SPATS2: variants seen among roughly 807,000 people sequenced by gnomAD.
SPATS2 encodes spermatogenesis-associated serine-rich protein 2.
Under a neutral mutation model 63.7 loss-of-function variants are expected in SPATS2, and 38 were observed. The observed-to-expected ratio is 0.60, with a 90% CI of 0.46 to 0.78. The LOEUF is 0.78. SPATS2 is among the 30% of genes least tolerant of loss of function. The probability of loss-of-function intolerance (pLI) is 0.00; values close to 1 mark genes in which losing one functional copy is unlikely to be tolerated. For missense variants in SPATS2, 588 were observed against 666.2 expected, an observed-to-expected ratio of 0.88 and a Z score of 1.29; for synonymous variants, 207 against 232.9, an observed-to-expected ratio of 0.89 and a Z score of 1.01.
intron 2 of SPATS2, among the ~76,000 whole-genome samples, chr12:49,433,359 C>T (rs1326780211): frequency 6.6e-6 from 1 of 152,184 alleles, no homozygotes. Flanking sequence ...GACAGGGTTT[C>T]ACCATGTTGG....
chr12:49,421,774 G>A (rs1365179139), intron 2 of SPATS2, among the ~76,000 whole-genome samples: 2 of 152,166 alleles, frequency 1.3e-5, no homozygotes, highest in East Asian at 3.8e-4. Context: ...TATTTTGATT[G>A]ACATTAGATA....
chr12:49,387,970 G>A (rs1403418196), intron 2 of SPATS2, among the ~76,000 whole-genome samples: 3 of 151,882 alleles, frequency 2.0e-5, no homozygotes, highest in Admixed American at 2.0e-4. Context: ...TTTGAGGCAG[G>A]GTCTTGCTAT....
chr12:49,408,902 T>A (rs1414440321), intron 2 of SPATS2, among the ~76,000 whole-genome samples: 1 of 152,162 alleles, frequency 6.6e-6, no homozygotes, highest in African/African-American at 2.4e-5. Flanking sequence ...TACATGTTAT[T>A]TTCTGTAATA....
At chr12:49,368,865 G>T (rs889534471) in intron 1 of SPATS2, among the ~76,000 whole-genome samples, 3 of 152,024 alleles carry the variant, frequency 2.0e-5, no homozygotes, top group Non-Finnish European at 4.4e-5. Flanking sequence ...AAGATTTATG[G>T]ACATTAATCA....
chr12:49,502,813 A>G (rs149461513), intron 9 of SPATS2, among the ~76,000 whole-genome samples: 4 of 152,214 alleles, frequency 2.6e-5, no homozygotes, highest in Non-Finnish European at 5.9e-5. Context: ...CATTGTCTCA[A>G]AACTTAACAT....
chr12:49,443,462 A>G (rs886220765), intron 2 of SPATS2, among the ~76,000 whole-genome samples: 3 of 151,870 alleles, frequency 2.0e-5, no homozygotes, highest in Non-Finnish European at 4.4e-5. Context: ...TGCTGATACC[A>G]TAAGGTGCAT....
intron 9 of SPATS2, among the ~76,000 whole-genome samples, chr12:49,513,696 C>CG (rs1946790482): frequency 1.3e-5 from 2 of 152,108 alleles, no homozygotes; most frequent in African/African-American, 4.8e-5. Flanking sequence ...ACTTTGCATT[C>CG]TAAGTACTAA....
At chr12:49,496,393 G>A (rs1015778569) in intron 7 of SPATS2, among the ~76,000 whole-genome samples, 1 of 152,184 alleles carries the variant, frequency 6.6e-6, no homozygotes, top group Non-Finnish European at 1.5e-5. Context: ...GATTACTGGC[G>A]TGAGCCACTA....
At chr12:49,485,323 G>A (rs1227548864) in intron 4 of SPATS2, among the ~76,000 whole-genome samples, 1 of 151,492 alleles carries the variant, frequency 6.6e-6, no homozygotes, top group Non-Finnish European at 1.5e-5. Context: ...CAAAGTGCTG[G>A]GATTACAAGC....
chr12:49,403,630 C>CAT (rs1484273251), intron 2 of SPATS2, among the ~76,000 whole-genome samples: 11 of 145,870 alleles, frequency 7.5e-5, no homozygotes, highest in Admixed American at 6.7e-4. Flanking sequence ...CACACACACA[C>CAT]ACACACACAC....
chr12:49,375,666 A>G (rs1944087309), intron 2 of SPATS2, among the ~76,000 whole-genome samples: 1 of 152,204 alleles, frequency 6.6e-6, no homozygotes, highest in Non-Finnish European at 1.5e-5. Context: ...AGCCCTTTGT[A>G]TAGCATGCCT....
Position 49,414,940 on chromosome 12 carries a change from C to CT in SPATS2, c.-244+43666dup, listed in dbSNP as rs1198243704. Among the ~76,000 whole-genome samples the CT allele has an allele frequency of 6.7e-3, 852 of 126,840 alleles. 7 individuals carry two copies. Among genetic ancestry groups the CT allele is most frequent in the East Asian group, 0.021 (90 of 4,370 alleles). 83.2% of individuals were successfully genotyped at this position (126,840 alleles called of 152,430 possible). The stretch of plus-strand genomic sequence containing the variant: ...CTTTTTCTTTTTTTCTTTTTCTTTT[C>CT]TTTTTTTTTTTTTTTTGAGACAGAG... On this transcript the variant is annotated intron_variant, in intron 2 of 13. Transcript: ENST00000552918.
chr12:49,436,237 CA>C (rs1945283281), intron 2 of SPATS2, among the ~76,000 whole-genome samples: 1 of 146,038 alleles, frequency 6.8e-6, no homozygotes, highest in African/African-American at 2.6e-5. Context: ...AGGCGCCCCT[CA>C]CCTCCCGGAC....
chr12:49,461,232 C>T (rs1339490505), intron 3 of SPATS2, 195 bp downstream of exon 3: 1 of 602,950 alleles, frequency 1.7e-6, no homozygotes, highest in African/African-American at 1.9e-5. Context: ...CTCACACAAA[C>T]TTAGCAAATT....
intron 2 of SPATS2, among the ~76,000 whole-genome samples, chr12:49,383,809 T>C (rs1733191603): frequency 6.6e-6 from 1 of 152,242 alleles, no homozygotes; most frequent in African/African-American, 2.4e-5. Context: ...AGTGTTTTAA[T>C]GAACCACTTT....
At chr12:49,419,862 A>AT (rs2137410869) in intron 2 of SPATS2, among the ~76,000 whole-genome samples, 1 of 149,188 alleles carries the variant, frequency 6.7e-6, no homozygotes, top group South Asian at 2.1e-4. Flanking sequence ...TCAAATGTAG[A>AT]TTTTTAGTTC....
At chr12:49,476,599 T>G (rs777911226) in intron 3 of SPATS2, among the ~76,000 whole-genome samples, 1 of 152,096 alleles carries the variant, frequency 6.6e-6, no homozygotes, top group Non-Finnish European at 1.5e-5. Context: ...CTGTAAACAT[T>G]CACCCCTAGA....
intron 2 of SPATS2, among the ~76,000 whole-genome samples, chr12:49,384,789 G>A (rs975246467): frequency 1.3e-5 from 2 of 151,144 alleles, no homozygotes; most frequent in Admixed American, 6.6e-5. Context: ...TCATCCATAC[G>A]TTTGCTCATG....
chr12:49,485,035 A>G (rs1946265576), intron 4 of SPATS2, among the ~76,000 whole-genome samples: 1 of 151,866 alleles, frequency 6.6e-6, no homozygotes, highest in South Asian at 2.1e-4. Context: ...TCTTAAGTCC[A>G]GGAGCCTTCA....
Sources: gnomAD v4.1 joint callset for allele counts (sites outside exome capture counted in the v4.1 genomes callset) on GRCh38, gnomAD v4.1.1 for gene constraint, MANE v1.5 for transcripts, NCBI Gene and HGNC (gene_info 2026-07-23, HGNC 2026-07-21) for gene names.